NUP210: variants seen among roughly 807,000 people sequenced by gnomAD.
The protein encoded by NUP210 is nucleoporin 210.
In NUP210, 151 loss-of-function variants were observed where a neutral mutation model predicts 196.0. That is an observed-to-expected ratio of 0.77 (90% confidence interval 0.67 to 0.88). The LOEUF is 0.88. Ranked by LOEUF, NUP210 falls within the 40% of genes least tolerant of loss-of-function variation. NUP210 has a pLI of 0.00. For synonymous variants in NUP210, 1,070 were observed against 1,052.7 expected, an observed-to-expected ratio of 1.02 and a Z score of -0.32; for missense variants, 2,314 against 2,493.7, an observed-to-expected ratio of 0.93 and a Z score of 1.53.
chr3:13,337,952 G>A (rs3773301), intron 25 of NUP210, 35 bp from the exon 26 acceptor site: 285,381 of 1,589,362 alleles, frequency 0.18, 26,265 homozygotes, highest in East Asian at 0.33. Context: ...GTGTGGGGAT[G>A]CAGTGCTGGC....
chr3:13,337,292 G>T (rs530014865), intron 26 of NUP210, among the ~76,000 whole-genome samples: 15 of 152,282 alleles, frequency 9.9e-5, no homozygotes, highest in Non-Finnish European at 1.5e-4. Flanking sequence ...CACAGGGCAC[G>T]TGTGGGTGGG....
At position 13,420,298 on chromosome 3, in the gene NUP210, CCG is replaced by C. The variant is rs555540962; in HGVS notation, c.-74_-73del. 8.5e-5 allele frequency: 82 copies of C among 965,274 alleles called. No individual in the cohort carries two copies. Among genetic ancestry groups the C allele is most frequent in the Admixed American group, 1.2e-4 (2 of 16,894 alleles). 59.8% of individuals were successfully genotyped at this position (965,274 alleles called of 1,614,324 possible). On this transcript the variant is annotated 5_prime_UTR_variant, in exon 1 of 40. Transcript: ENST00000254508. The surrounding 1 kb of genome is among the most constrained non-coding windows in gnomAD (Gnocchi z 4.8). The stretch of plus-strand genomic sequence containing the variant: ...CCGCCCCGTTGCCCTCCGCTCCCGC[CCG>C]CGCGCGCGCCAGGCCAGCAGGTGAT...
Position 13,347,880 on chromosome 3 carries a change from T to C in NUP210, c.2835+3999A>G, listed in dbSNP as rs935637153. Among the ~76,000 whole-genome samples the C allele has an allele frequency of 2.6e-5, 4 of 152,186 alleles. No homozygotes were observed. The highest frequency in any genetic ancestry group is 2.1e-4 in the South Asian group (1 of 4,822). ...AGAGACCAGAGGAACCAGGGCCTGATTGGAGTTGCGAGAGTCTTTGGCACA... is the reference window on the plus strand; with the variant it reads ...AGAGACCAGAGGAACCAGGGCCTGACTGGAGTTGCGAGAGTCTTTGGCACA... On this transcript the variant is annotated intron_variant, in intron 20 of 39. Transcript: ENST00000254508. The surrounding 1 kb of genome is among the most constrained non-coding windows in gnomAD (Gnocchi z 4.7).
chr3:13,388,061 G>A lies in NUP210; in HGVS notation c.684+242C>T, dbSNP rs143445791. Among the ~76,000 whole-genome samples, 422 of 152,250 alleles carry A rather than the reference G, an allele frequency of 2.8e-3. 1 individual carries two copies. The highest frequency in any genetic ancestry group is 4.6e-3 in the Non-Finnish European group (315 of 68,012). On this transcript the variant is annotated intron_variant, in intron 5 of 39. Transcript: ENST00000254508. The stretch of plus-strand genomic sequence containing the variant: ...TTGGACCTCCCTAGAAACTAAGAAT[G>A]AGCAAATGCTATGCACCCCTAGAGA...
At chr3:13,333,957 T>C (rs889249392) in intron 28 of NUP210, among the ~76,000 whole-genome samples, 3 of 152,046 alleles carry the variant, frequency 2.0e-5, no homozygotes, top group Non-Finnish European at 4.4e-5. Flanking sequence ...AAACAGGGAG[T>C]GGCGGGGCCT....
At chr3:13,333,569 C>T (rs1213563107) in intron 28 of NUP210, among the ~76,000 whole-genome samples, 1 of 152,250 alleles carries the variant, frequency 6.6e-6, no homozygotes, top group Non-Finnish European at 1.5e-5. Context: ...CTAACGTCCT[C>T]TCCATGCCTG....
intron 28 of NUP210, among the ~76,000 whole-genome samples, chr3:13,334,933 AC>A (rs1487161625): frequency 6.6e-6 from 1 of 151,998 alleles, no homozygotes; most frequent in Non-Finnish European, 1.5e-5. Context: ...TCTTGAGGCC[AC>A]CCCCAACTTA....
At chr3:13,360,624 C>T in intron 14 of NUP210, 133 bp from the exon 15 acceptor site, 1 of 639,560 alleles carries the variant, frequency 1.6e-6, no homozygotes, top group South Asian at 1.9e-5. Flanking sequence ...CTGTTTGAAA[C>T]TCATTCTCGT....
At chr3:13,377,034 G>GGTTCCA (rs1483483294) in intron 9 of NUP210, among the ~76,000 whole-genome samples, 2 of 152,130 alleles carry the variant, frequency 1.3e-5, no homozygotes, top group Admixed American at 1.3e-4. Flanking sequence ...TGTCATGCAG[G>GGTTCCA]GTTCCAGGTA....
At chr3:13,330,947 C>G (rs1434251396) in intron 29 of NUP210, among the ~76,000 whole-genome samples, 1 of 152,182 alleles carries the variant, frequency 6.6e-6, no homozygotes, top group Non-Finnish European at 1.5e-5. Context: ...TTCATCAGCT[C>G]CATGGGACAT....
intron 20 of NUP210, 29 bp from the exon 21 acceptor site, chr3:13,343,332 T>TGTGGGGGGGGGGGGGGGGGGGG: frequency 4.7e-6 from 1 of 214,668 alleles, no homozygotes; most frequent in South Asian, 3.3e-5. Context: ...GGTGGAGGGG[T>TGTGGGGGGGGGGGGGGGGGGGG]GGGTGGTGGG....
chr3:13,358,107 G>T, intron 16 of NUP210, 115 bp downstream of exon 16: 1 of 909,740 alleles, frequency 1.1e-6, no homozygotes, highest in Non-Finnish European at 1.7e-6. Flanking sequence ...GACGAAGGAA[G>T]TGCAGCGTGG....
intron 36 of NUP210, among the ~76,000 whole-genome samples, chr3:13,321,269 G>C (rs1386212380): frequency 6.6e-6 from 1 of 152,172 alleles, no homozygotes; most frequent in Non-Finnish European, 1.5e-5. Context: ...AGATGCTCCT[G>C]CACTGAATTC....
chr3:13,369,689 A>G (rs1416248513), intron 13 of NUP210, among the ~76,000 whole-genome samples: 2 of 152,230 alleles, frequency 1.3e-5, no homozygotes, highest in Non-Finnish European at 2.9e-5. Flanking sequence ...CCCATTGGAC[A>G]GTCTTGGCAC....
intron 5 of NUP210, among the ~76,000 whole-genome samples, chr3:13,387,991 G>C (rs943630503): frequency 1.3e-5 from 2 of 152,018 alleles, no homozygotes; most frequent in Non-Finnish European, 2.9e-5. Flanking sequence ...CAGCACGGTG[G>C]GGGCACCAGT....
At position 13,335,422 on chromosome 3, in the gene NUP210, C is replaced by G. The variant is rs372877572; in HGVS notation, c.3843+32G>C. 3.1e-6 allele frequency: 5 copies of G among 1,599,860 alleles called. No individual in the cohort carries two copies. In the African/African-American group the frequency reaches 6.7e-5, roughly 21 times the overall value. On this transcript the variant is annotated intron_variant, in intron 28 of 39. Transcript: ENST00000254508. ...TTGGGCAGCTGGCACTTCCTCTCCC[C>G]CTTCCCTGTGGCCTTTCCACCTGCC...
chr3:13,404,811 C>T (rs940099341), intron 1 of NUP210, among the ~76,000 whole-genome samples: 5 of 152,192 alleles, frequency 3.3e-5, no homozygotes, highest in African/African-American at 1.2e-4. Flanking sequence ...AATGAAAGAG[C>T]TGGCCAGTCA....
chr3:13,417,858 A>C (rs1328454411), intron 1 of NUP210, among the ~76,000 whole-genome samples: 2 of 152,160 alleles, frequency 1.3e-5, no homozygotes, highest in African/African-American at 4.8e-5. Flanking sequence ...TTTTCCTACC[A>C]AGTAAATTAA....
At chr3:13,397,071 TCA>T (rs1189760655) in intron 3 of NUP210, among the ~76,000 whole-genome samples, 1 of 151,914 alleles carries the variant, frequency 6.6e-6, no homozygotes, top group African/African-American at 2.4e-5. Context: ...GGCTCCAGGG[TCA>T]CAGAGCCACA....
Sources: allele counts gnomAD v4.1 joint callset (sites outside exome capture counted in the v4.1 genomes callset), GRCh38; gene constraint gnomAD v4.1.1; non-coding constraint Gnocchi (gnomAD v3.1); transcripts MANE v1.5; gene names NCBI Gene and HGNC (gene_info 2026-07-23, HGNC 2026-07-21).